Variants in HIVEP2 observed in about 807,000 individuals in gnomAD.
HIVEP2 encodes the protein transcription factor HIVEP2.
A neutral mutation model predicts 180.7 loss-of-function variants in HIVEP2; 14 were observed. The ratio of observed to expected loss-of-function variants is 0.08; its 90% CI spans 0.05 to 0.12. The LOEUF (loss-of-function observed/expected upper bound fraction) is 0.12, where lower values mean the gene tolerates loss of function less well. HIVEP2 is among the 10% of genes least tolerant of loss of function. The pLI is 1.00. For synonymous variants in HIVEP2, 1,184 were observed against 1,136.4 expected, an observed-to-expected ratio of 1.04 and a Z score of -0.84; for missense variants, 2,579 against 3,008.5, an observed-to-expected ratio of 0.86 and a Z score of 3.34.
intron 2 of HIVEP2, among the ~76,000 whole-genome samples, chr6:142,794,257 T>C (rs561207382): frequency 6.6e-6 from 1 of 152,280 alleles, no homozygotes; most frequent in South Asian, 2.1e-4. Context: ...CTCATACTGA[T>C]AATTAACAAT....
intron 1 of HIVEP2, among the ~76,000 whole-genome samples, chr6:142,856,985 A>G (rs1775838514): frequency 6.6e-6 from 1 of 152,174 alleles, no homozygotes; most frequent in African/African-American, 2.4e-5. Flanking sequence ...AAGGACAAAA[A>G]TCTAGTCAGG....
chr6:142,933,241 T>G, intron 1 of HIVEP2, among the ~76,000 whole-genome samples: 1 of 152,226 alleles, frequency 6.6e-6, no homozygotes, highest in East Asian at 1.9e-4. Flanking sequence ...TTAGAAATAC[T>G]TACATGTCAA....
At position 142,775,618 on chromosome 6, in the gene HIVEP2, C is replaced by T. The variant is rs144293248; in HGVS notation, c.-387-493G>A. On this transcript the variant is annotated intron_variant, in intron 4 of 9. Coordinates refer to ENST00000367603, the MANE Select transcript of HIVEP2 (RefSeq NM_006734.4). ...TGGGGAGGCTGAGGCAGGTGGATCA[C>T]GAGGTCAAGAGACTGAAACCATCCT... Among the ~76,000 whole-genome samples, 9 of 152,080 alleles carry T rather than the reference C, an allele frequency of 5.9e-5. 1 individual carries two copies. The South Asian group carries it at 6.2e-4, about 11-fold the overall frequency.
intron 5 of HIVEP2, 117 bp from the exon 6 acceptor site, chr6:142,768,653 G>T: frequency 1.1e-6 from 1 of 928,328 alleles, no homozygotes; most frequent in Non-Finnish European, 1.6e-6. Context: ...AAAAGGCCAG[G>T]AACTAGTTAT....
chr6:142,850,796 C>T lies in HIVEP2; in HGVS notation c.-640-13749G>A, dbSNP rs577763222. On this transcript the variant is annotated intron_variant, in intron 1 of 9. Coordinates refer to ENST00000367603, the MANE Select transcript of HIVEP2 (RefSeq NM_006734.4). ...CCTGAAAGAATTCACTGACTGCTCA[C>T]GCTCCTAGCACATAATGACTAATTC... Among the ~76,000 whole-genome samples the T allele has an allele frequency of 6.6e-5, 10 of 152,332 alleles. No homozygotes were observed. The East Asian group carries it at 9.6e-4, about 15-fold the overall frequency.
At chr6:142,821,030 A>G (rs539168997) in intron 2 of HIVEP2, among the ~76,000 whole-genome samples, 1 of 152,200 alleles carries the variant, frequency 6.6e-6, no homozygotes, top group South Asian at 2.1e-4. Context: ...TGCTGACAAG[A>G]AGGCTTCAAA....
At chr6:142,897,366 G>A (rs1465304790) in intron 1 of HIVEP2, among the ~76,000 whole-genome samples, 1 of 152,180 alleles carries the variant, frequency 6.6e-6, no homozygotes, top group Non-Finnish European at 1.5e-5. Context: ...GCCCCATGAT[G>A]TAGCGACTCC....
chr6:142,755,784 C>T (rs1052899510), intron 9 of HIVEP2, among the ~76,000 whole-genome samples: 4 of 152,196 alleles, frequency 2.6e-5, no homozygotes, highest in Non-Finnish European at 4.4e-5. Flanking sequence ...TTCAGCCCTT[C>T]ACTGATTTTA....
In HIVEP2 at chr6:142,906,337, T is replaced by C. The variant is rs1259206260; in HGVS notation, c.-641+38762A>G. ...ATAGTAGAACCAAGTAGATATAAGG[T>C]AACAAGAATTAATATTTAAAATATA... On this transcript the variant is annotated intron_variant, in intron 1 of 9. Transcript: ENST00000367603. Among the ~76,000 whole-genome samples, 3 of 151,964 alleles carry C rather than the reference T, an allele frequency of 2.0e-5. 1 individual carries two copies. The highest frequency in any genetic ancestry group is 4.1e-4 in the South Asian group (2 of 4,824).
At chr6:142,924,418 T>C (rs1268118655) in intron 1 of HIVEP2, among the ~76,000 whole-genome samples, 1 of 152,322 alleles carries the variant, frequency 6.6e-6, no homozygotes, top group African/African-American at 2.4e-5. Flanking sequence ...CCTTTATTTA[T>C]GTAGTTCATT....
intron 2 of HIVEP2, among the ~76,000 whole-genome samples, chr6:142,818,431 C>A (rs1776900667): frequency 6.6e-6 from 1 of 152,042 alleles, no homozygotes; most frequent in Non-Finnish European, 1.5e-5. Context: ...AATCCCAGCA[C>A]TTTGGGAGGC....
chr6:142,926,876 A>AG (rs1198217422), intron 1 of HIVEP2, among the ~76,000 whole-genome samples: 1 of 151,670 alleles, frequency 6.6e-6, no homozygotes, highest in African/African-American at 2.4e-5. Context: ...CCCGGCAGGA[A>AG]GGGGGGAGGC....
At chr6:142,908,916 A>G (rs1162551957) in intron 1 of HIVEP2, among the ~76,000 whole-genome samples, 1 of 151,514 alleles carries the variant, frequency 6.6e-6, no homozygotes, top group East Asian at 1.9e-4. Flanking sequence ...CACAGTTTTG[A>G]AACAAAGTAC....
chr6:142,843,766 G>A (rs1446725736), intron 1 of HIVEP2, among the ~76,000 whole-genome samples: 1 of 152,154 alleles, frequency 6.6e-6, no homozygotes, highest in Non-Finnish European at 1.5e-5. Context: ...TTAGTCTTAT[G>A]CAAATTTTCT....
intron 1 of HIVEP2, among the ~76,000 whole-genome samples, chr6:142,908,487 A>T (rs990569877): frequency 6.6e-5 from 10 of 152,200 alleles, no homozygotes; most frequent in African/African-American, 2.4e-4. Context: ...ATTCTCTCTG[A>T]GAACATGATG....
At chr6:142,801,538 T>A (rs187640923) in intron 2 of HIVEP2, among the ~76,000 whole-genome samples, 4 of 152,078 alleles carry the variant, frequency 2.6e-5, no homozygotes, top group African/African-American at 9.6e-5. Context: ...TCTAAGCGAA[T>A]TCTCTTTTAC....
chr6:142,806,073 A>C (rs1278426486), intron 2 of HIVEP2, among the ~76,000 whole-genome samples: 2 of 152,158 alleles, frequency 1.3e-5, no homozygotes, highest in East Asian at 3.9e-4. Context: ...AAATTTCATC[A>C]TCAATACCAA....
At chr6:142,827,077 C>G (rs1053916103) in intron 2 of HIVEP2, among the ~76,000 whole-genome samples, 4 of 152,162 alleles carry the variant, frequency 2.6e-5, no homozygotes, top group Non-Finnish European at 5.9e-5. Context: ...TTCCATTCTA[C>G]TACTCCTGTT....
chr6:142,908,854 CA>C (rs11443809), intron 1 of HIVEP2, among the ~76,000 whole-genome samples: 952 of 87,838 alleles, frequency 0.011, 5 homozygotes, highest in African/African-American at 0.026. Flanking sequence ...TACCACCTCT[CA>C]AAAAAAAAAA....
Sources: allele counts gnomAD v4.1 joint callset (sites outside exome capture counted in the v4.1 genomes callset), GRCh38; gene constraint gnomAD v4.1.1; transcripts MANE v1.5; gene names NCBI Gene and HGNC (gene_info 2026-07-23, HGNC 2026-07-21).